Variants in ELOVL6 observed in about 807,000 individuals in gnomAD.
ELOVL6 encodes ELOVL fatty acid elongase 6, also known as very long chain fatty acid elongase 6.
A neutral mutation model predicts 31.7 loss-of-function variants in ELOVL6; 8 were observed. The observed-to-expected ratio is 0.25, with a 90% CI of 0.15 to 0.45. ELOVL6 has a LOEUF of 0.45. ELOVL6 is among the 20% of genes least tolerant of loss of function. The pLI is 1.00. For synonymous variants in ELOVL6, 101 were observed against 117.7 expected, an observed-to-expected ratio of 0.86 and a Z score of 0.92; for missense variants, 126 against 326.4, an observed-to-expected ratio of 0.39 and a Z score of 4.73.
intron 2 of ELOVL6, among the ~76,000 whole-genome samples, chr4:110,103,239 G>A (rs1022261073): frequency 6.6e-6 from 1 of 152,026 alleles, no homozygotes; most frequent in Non-Finnish European, 1.5e-5. Context: ...TTGGAGAAAT[G>A]GCTGATTCCA....
At chr4:110,092,992 C>A (rs78564541) in intron 2 of ELOVL6, 3 of 320,696 alleles carry the variant, frequency 9.4e-6, no homozygotes, top group East Asian at 8.4e-5. Context: ...TAAACTAACA[C>A]GCAATCTCTT....
intron 2 of ELOVL6, among the ~76,000 whole-genome samples, chr4:110,087,804 T>TAAAA (rs57115145): frequency 8.4e-5 from 12 of 142,548 alleles, no homozygotes; most frequent in African/African-American, 1.5e-4. Context: ...AATAAAATTG[T>TAAAA]AAAAAAAAAA....
intron 2 of ELOVL6, among the ~76,000 whole-genome samples, chr4:110,075,401 T>G (rs1406759608): frequency 1.3e-5 from 2 of 152,142 alleles, no homozygotes; most frequent in Non-Finnish European, 2.9e-5. Flanking sequence ...ATAAAAAAAA[T>G]GTGGTATATA....
At chr4:110,185,018 C>G (rs1021689619) in intron 1 of ELOVL6, among the ~76,000 whole-genome samples, 1 of 152,064 alleles carries the variant, frequency 6.6e-6, no homozygotes, top group Non-Finnish European at 1.5e-5. Flanking sequence ...AAAAATAAAC[C>G]CTATGTAAGT....
chr4:110,187,132 CAT>C (rs1159331204), intron 1 of ELOVL6, among the ~76,000 whole-genome samples: 1 of 151,578 alleles, frequency 6.6e-6, no homozygotes, highest in Non-Finnish European at 1.5e-5. Context: ...TGAGGCAGTG[CAT>C]AGTTTTTTAA....
chr4:110,091,241 T>A (rs921130006), intron 2 of ELOVL6, among the ~76,000 whole-genome samples: 30 of 152,192 alleles, frequency 2.0e-4, no homozygotes, highest in African/African-American at 6.8e-4. Flanking sequence ...CCCAGAGTGA[T>A]TCCTTCACTC....
intron 1 of ELOVL6, among the ~76,000 whole-genome samples, chr4:110,165,065 T>G (rs17612737): frequency 1.3e-5 from 2 of 152,118 alleles, no homozygotes; most frequent in African/African-American, 2.4e-5. Flanking sequence ...GTCTTTATCA[T>G]GCCACCCAAA....
intron 2 of ELOVL6, among the ~76,000 whole-genome samples, chr4:110,090,637 G>T (rs1177018880): frequency 1.8e-5 from 2 of 113,352 alleles, no homozygotes; most frequent in Admixed American, 1.8e-4. Context: ...ACGGAGTCTC[G>T]CTCTGTCGCC....
chr4:110,074,488 A>C (rs1283841328), intron 2 of ELOVL6, among the ~76,000 whole-genome samples: 3 of 152,290 alleles, frequency 2.0e-5, no homozygotes, highest in Admixed American at 2.0e-4. Flanking sequence ...GCATTATTTC[A>C]GGTAAGGAAG....
chr4:110,165,105 G>A lies in ELOVL6; in HGVS notation c.89+33142C>T, dbSNP rs547668275. On this transcript the variant is annotated intron_variant, in intron 1 of 3. Coordinates refer to ENST00000302274, the MANE Select transcript of ELOVL6 (RefSeq NM_024090.3). ...GGTAAACATATAAGCTTGTAGAGCA[G>A]GTTTGATCTCTATTCTTCAAAAAGA... Among the ~76,000 whole-genome samples, 18 of 152,280 alleles carry A rather than the reference G, an allele frequency of 1.2e-4. No individual in the cohort carries two copies. The South Asian group carries it at 3.5e-3, about 30-fold the overall frequency.
intron 1 of ELOVL6, among the ~76,000 whole-genome samples, chr4:110,130,894 T>C (rs1055264519): frequency 1.3e-5 from 2 of 152,216 alleles, no homozygotes; most frequent in Admixed American, 1.3e-4. Context: ...TTTAAATGCA[T>C]ACAAACATAG....
At chr4:110,052,976 C>T (rs917180689) in intron 3 of ELOVL6, among the ~76,000 whole-genome samples, 1 of 152,198 alleles carries the variant, frequency 6.6e-6, no homozygotes, top group Admixed American at 6.5e-5. Context: ...GAGACAGGGT[C>T]TTGCCCTGTC....
intron 2 of ELOVL6, among the ~76,000 whole-genome samples, chr4:110,080,963 G>A (rs1485039005): frequency 1.3e-5 from 2 of 152,056 alleles, no homozygotes; most frequent in African/African-American, 2.4e-5. Context: ...CTAACAGAGA[G>A]CCAAATCATG....
Position 110,147,369 on chromosome 4 carries a change from T to C in ELOVL6, c.90-41741A>G, listed in dbSNP as rs537332474. The C allele has an allele frequency of 2.0e-5, 3 of 151,074 alleles. No homozygotes were observed. In the Admixed American group the frequency reaches 2.0e-4, roughly 10 times the overall value. The allele number at this position is 151,074 out of a possible 1,614,324, so 9.4% of individuals were successfully genotyped here. A position where few individuals can be genotyped will look rare whatever the true frequency, so the allele number is the denominator to read the frequency against. ...AGAAAACTCTTCTTCTAGATACTGG[T>C]CTAGGCAAAGAATTCTTGACTAAGA... is the stretch of plus-strand genomic sequence containing the variant. On this transcript the variant is annotated intron_variant, in intron 1 of 3. Coordinates refer to ENST00000302274, the MANE Select transcript of ELOVL6 (RefSeq NM_024090.3).
chr4:110,153,877 C>T (rs1305637723), intron 1 of ELOVL6, among the ~76,000 whole-genome samples: 1 of 152,126 alleles, frequency 6.6e-6, no homozygotes, highest in Non-Finnish European at 1.5e-5. Context: ...GCAATGTAAG[C>T]AGCTTTACAA....
chr4:110,145,170 T>C (rs72900534), intron 1 of ELOVL6, among the ~76,000 whole-genome samples: 4,887 of 151,726 alleles, frequency 0.032, 250 homozygotes, highest in African/African-American at 0.11. Context: ...AGAAAGAAGC[T>C]GTGCAAGGTG....
At chr4:110,185,167 G>C (rs1299168135) in intron 1 of ELOVL6, among the ~76,000 whole-genome samples, 1 of 152,162 alleles carries the variant, frequency 6.6e-6, no homozygotes, top group Admixed American at 6.5e-5. Flanking sequence ...ACTAACCAAA[G>C]TAGTGCAATC....
chr4:110,127,178 A>G (rs1290113594), intron 1 of ELOVL6, among the ~76,000 whole-genome samples: 1 of 151,826 alleles, frequency 6.6e-6, no homozygotes, highest in Non-Finnish European at 1.5e-5. Flanking sequence ...GGAGGCCGAG[A>G]TGGTTGGATC....
intron 2 of ELOVL6, among the ~76,000 whole-genome samples, chr4:110,094,404 A>AAT (rs1167924305): frequency 0.01 from 579 of 55,526 alleles, 13 homozygotes; most frequent in African/African-American, 0.016. Flanking sequence ...CTTAAAAAGA[A>AAT]ATATATATAT....
Sources: allele counts gnomAD v4.1 joint callset (sites outside exome capture counted in the v4.1 genomes callset), GRCh38; gene constraint gnomAD v4.1.1; transcripts MANE v1.5; gene names NCBI Gene and HGNC (gene_info 2026-07-23, HGNC 2026-07-21).